SLC22A8: variants seen among roughly 807,000 people sequenced by gnomAD.
The protein encoded by SLC22A8 is solute carrier family 22 member 8, also known as organic anion transporter 3.
A neutral mutation model predicts 48.4 loss-of-function variants in SLC22A8; 40 were observed. The ratio of observed to expected loss-of-function variants is 0.83; its 90% CI spans 0.64 to 1.08. The LOEUF is 1.08. SLC22A8 is among the 50% of genes least tolerant of loss of function. The pLI, the probability that SLC22A8 is intolerant of heterozygous loss-of-function variation, is 0.00. For synonymous variants in SLC22A8, 268 were observed against 286.3 expected (o/e 0.94, Z 0.65); for missense variants, 606 against 699.0 (o/e 0.87, Z 1.50).
intron 2 of SLC22A8, among the ~76,000 whole-genome samples, chr11:63,005,086 A>G (rs1442725566): frequency 1.3e-5 from 2 of 152,242 alleles, no homozygotes; most frequent in African/African-American, 4.8e-5. Flanking sequence ...TCATCCTTCA[A>G]TGACATTTAG....
At chr11:62,998,430 C>G (rs2086449192) in intron 5 of SLC22A8, among the ~76,000 whole-genome samples, 1 of 152,140 alleles carries the variant, frequency 6.6e-6, no homozygotes, top group Non-Finnish European at 1.5e-5. Context: ...CCAGCAGTCC[C>G]CAATTCTCCA....
intron 3 of SLC22A8, among the ~76,000 whole-genome samples, chr11:63,000,128 TC>T (rs1292421664): frequency 6.6e-6 from 1 of 152,168 alleles, no homozygotes; most frequent in Non-Finnish European, 1.5e-5. Context: ...CTCCTCTGCC[TC>T]CACTGCTACA....
chr11:63,010,556 G>T (rs1468447291), intron 2 of SLC22A8, among the ~76,000 whole-genome samples: 1 of 152,184 alleles, frequency 6.6e-6, no homozygotes, highest in African/African-American at 2.4e-5. Flanking sequence ...AAAGGGTTCT[G>T]CCCTTGCTGT....
intron 2 of SLC22A8, 119 bp from the exon 3 acceptor site, chr11:63,000,942 C>T: frequency 1.4e-6 from 1 of 726,318 alleles, no homozygotes; most frequent in Non-Finnish European, 2.4e-6. Flanking sequence ...TTGCCCCTAC[C>T]TCCCAAGGAC....
At chr11:62,996,726 G>A (rs2086425243) in intron 5 of SLC22A8, among the ~76,000 whole-genome samples, 1 of 152,214 alleles carries the variant, frequency 6.6e-6, no homozygotes, top group South Asian at 2.1e-4. Flanking sequence ...TCTTGGGATT[G>A]GCAAATAGGC....
At position 62,993,165 on chromosome 11, in the gene SLC22A8, G is replaced by A. The variant is rs539802407; in HGVS notation, c.*72C>T. The A allele has an allele frequency of 1.4e-5, 16 of 1,150,444 alleles. No individual in the cohort carries two copies. The African/African-American group carries it at 1.5e-4, about 11-fold the overall frequency. The allele number at this position is 1,150,444 out of a possible 1,614,324, so 71.3% of individuals were successfully genotyped here. On this transcript the variant is annotated 3_prime_UTR_variant, in exon 11 of 11. Coordinates refer to ENST00000336232, the MANE Select transcript of SLC22A8 (RefSeq NM_004254.4). ...TCCTAGGAGGATGGACCTATATGGG[G>A]CCTCCCTATACTCCTAAGGTGCCTG...
rs1480325056 is a variant in SLC22A8 at position 62,999,782 on chromosome 11, A to C, written c.498T>G (p.Gly166=). ...TGGGGAAGGTGGGGCTGAAGGCTGCACCGGAGCCGCTGGCTGCCAGCAGCA... is the reference window on the plus strand; with the variant it reads ...TGGGGAAGGTGGGGCTGAAGGCTGCCCCGGAGCCGCTGGCTGCCAGCAGCA... ...SYLLLAASGS[G]AAFSPTFPIY... Residue 166 remains glycine, a synonymous_variant, in exon 4 of 11, where the codon GGT becomes GGG. Transcript: ENST00000336232. 6.2e-7 allele frequency: 1 copy of C among 1,606,414 alleles called. No homozygotes were observed. The highest frequency in any genetic ancestry group is 2.3e-5 in the East Asian group (1 of 44,172).
In SLC22A8 at chr11:62,998,939, A is replaced by G; in HGVS notation, c.743T>C (p.Val248Ala). Residue 248 changes from valine (V) to alanine (A), a missense_variant, in exon 5 of 11, where the codon GTC becomes GCC. Val to Ala is a moderately conservative substitution (Grantham distance 64, BLOSUM62 0). Transcript: ENST00000336232. ...CACATACCAGGATGATAGGAAGAAG[A>G]CGAAGAAGGGAATGGACACAGTTAA... ...LQLTVSIPFF[V>A]FFLSSWWTPE... is the part of the protein sequence containing the mutation. The G allele has an allele frequency of 1.2e-6, 2 of 1,611,006 alleles. No individual in the cohort carries two copies. The highest frequency in any genetic ancestry group is 1.7e-6 in the Non-Finnish European group (2 of 1,177,448).
chr11:62,998,881 G>C, intron 5 of SLC22A8, 40 bp downstream of exon 5: 2 of 1,561,618 alleles, frequency 1.3e-6, no homozygotes, highest in Non-Finnish European at 1.7e-6. Context: ...TTGGCCCTGG[G>C]GCACCTAAGG....
At chr11:63,013,358 A>G (rs2086639957) in intron 2 of SLC22A8, among the ~76,000 whole-genome samples, 1 of 152,150 alleles carries the variant, frequency 6.6e-6, no homozygotes. Context: ...TACTTCTCTT[A>G]AAGAGATTAC....
intron 2 of SLC22A8, among the ~76,000 whole-genome samples, chr11:63,008,686 A>G (rs1312690367): frequency 6.6e-6 from 1 of 152,148 alleles, no homozygotes; most frequent in East Asian, 1.9e-4. Flanking sequence ...TATTGTCACT[A>G]TTAATGCCAT....
At chr11:63,009,247 C>T (rs779826275) in intron 2 of SLC22A8, among the ~76,000 whole-genome samples, 3 of 152,052 alleles carry the variant, frequency 2.0e-5, no homozygotes, top group Non-Finnish European at 2.9e-5. Flanking sequence ...GGGTCAGAGG[C>T]GGCTGACCAG....
In SLC22A8 at chr11:62,998,905, G is replaced by A; in HGVS notation, c.761+16C>T. 6.3e-7 allele frequency: 1 copy of A among 1,593,822 alleles called. No individual in the cohort carries two copies. Among genetic ancestry groups the A allele is most frequent in the Non-Finnish European group, 8.6e-7 (1 of 1,164,648 alleles). On this transcript the variant is annotated intron_variant, in intron 5 of 10. Coordinates refer to ENST00000336232, the MANE Select transcript of SLC22A8 (RefSeq NM_004254.4). ...GGGCACCTAAGGAAACAGATGAAGA[G>A]GAGAGGGCCACATACCAGGATGATA...
intron 2 of SLC22A8, among the ~76,000 whole-genome samples, chr11:63,007,042 C>A (rs1376665468): frequency 6.6e-6 from 1 of 152,098 alleles, no homozygotes; most frequent in Non-Finnish European, 1.5e-5. Flanking sequence ...CTGAGGAGGC[C>A]CTGTTAAGAA....
chr11:62,993,907 T>A, intron 8 of SLC22A8, 29 bp from the exon 9 acceptor site: 1 of 1,437,164 alleles, frequency 7.0e-7, no homozygotes, highest in Non-Finnish European at 9.8e-7. Flanking sequence ...GTGGTGGGCC[T>A]TGGAGTTCAG....
chr11:63,007,025 C>T (rs1407014929), intron 2 of SLC22A8, among the ~76,000 whole-genome samples: 1 of 152,076 alleles, frequency 6.6e-6, no homozygotes, highest in Non-Finnish European at 1.5e-5. Flanking sequence ...CTTTCTGTAC[C>T]AAGACCCTGA....
chr11:63,005,136 A>T (rs931381371), intron 2 of SLC22A8, among the ~76,000 whole-genome samples: 1 of 152,222 alleles, frequency 6.6e-6, no homozygotes, highest in African/African-American at 2.4e-5. Context: ...AAATATTTTT[A>T]AAAAATTGAA....
intron 2 of SLC22A8, among the ~76,000 whole-genome samples, chr11:63,007,686 GCTGGGTT>G (rs567903107): frequency 3.7e-4 from 56 of 152,292 alleles, no homozygotes; most frequent in Non-Finnish European, 7.1e-4. Context: ...CCCCAAGGGA[GCTGGGTT>G]CTGGAAGGAA....
At chr11:63,003,928 C>T (rs1235771910) in intron 2 of SLC22A8, among the ~76,000 whole-genome samples, 2 of 152,178 alleles carry the variant, frequency 1.3e-5, no homozygotes, top group Non-Finnish European at 2.9e-5. Context: ...AAGAGAAACA[C>T]TTCAATATTT....
Sources: gnomAD v4.1 joint callset for allele counts (sites outside exome capture counted in the v4.1 genomes callset) on GRCh38, gnomAD v4.1.1 for gene constraint, MANE v1.5 for transcripts, NCBI Gene and HGNC (gene_info 2026-07-23, HGNC 2026-07-21) for gene names.